The following PCDHA8 variants were observed in gnomAD, a reference collection of about 807,000 sequenced individuals.
PCDHA8 encodes protocadherin alpha-8.
A neutral mutation model predicts 61.8 loss-of-function variants in PCDHA8; 53 were observed. That is an observed-to-expected ratio of 0.86 (90% confidence interval 0.69 to 1.08). The LOEUF (loss-of-function observed/expected upper bound fraction) is 1.08. Ranked by LOEUF, PCDHA8 falls within the 50% of genes least tolerant of loss-of-function variation. The pLI, the probability that PCDHA8 is intolerant of heterozygous loss-of-function variation, is 0.00. For synonymous variants in PCDHA8, 618 were observed against 556.6 expected (o/e 1.11, Z -1.55); for missense variants, 1,293 against 1,245.0 (o/e 1.04, Z -0.58).
intron 1 of PCDHA8, chr5:140,928,319 AG>A: frequency 6.2e-7 from 1 of 1,614,200 alleles, no homozygotes. Flanking sequence ...GACCTGGGGA[AG>A]AATGGCCTTG....
Position 141,009,928 on chromosome 5 carries a change from T to C in PCDHA8, c.2844T>C (p.Ser948=), listed in dbSNP as rs373891102. The change falls in exon 4 of 4, where the codon AGT becomes AGC. Residue 948 remains serine (S), a synonymous_variant. Transcript: ENST00000531613. The stretch of plus-strand genomic sequence containing the variant: ...AAGGGAACAGCACGACTGACAACAG[T>C]GACCAGTGAGGTCCTCAAATGGAAA... ...KEKGNSTTDN[S]DQ is the part of the protein sequence containing the mutation. 3 of 1,607,808 alleles carry C rather than the reference T, an allele frequency of 1.9e-6. No homozygotes were observed. The highest frequency in any genetic ancestry group is 2.5e-6 in the Non-Finnish European group (3 of 1,178,138).
At chr5:140,893,780 C>G (rs966071281) in intron 1 of PCDHA8, among the ~76,000 whole-genome samples, 1 of 151,980 alleles carries the variant, frequency 6.6e-6, no homozygotes. Flanking sequence ...TTTCTTTTAC[C>G]GTTTTTAGAA....
chr5:140,850,783 G>T, intron 1 of PCDHA8: 1 of 1,598,172 alleles, frequency 6.3e-7, no homozygotes, highest in Non-Finnish European at 8.6e-7. Context: ...TCTGGCGAGG[G>T]TAAGCAGAAG....
chr5:140,973,674 T>A (rs782774613), intron 1 of PCDHA8, among the ~76,000 whole-genome samples: 10 of 152,264 alleles, frequency 6.6e-5, no homozygotes, highest in Non-Finnish European at 1.3e-4. Flanking sequence ...GTAGCTTGAA[T>A]GTCATTGGCC....
At chr5:140,869,669 T>C (rs1461591468) in intron 1 of PCDHA8, 49 of 1,613,358 alleles carry the variant, frequency 3.0e-5, no homozygotes, top group Non-Finnish European at 4.1e-5. Context: ...GGTAAGCAGA[T>C]TAAAAGACTG....
At chr5:140,979,817 A>G (rs1228260788) in intron 2 of PCDHA8, among the ~76,000 whole-genome samples, 1 of 152,262 alleles carries the variant, frequency 6.6e-6, no homozygotes, top group Non-Finnish European at 1.5e-5. Flanking sequence ...AAAAGGATTT[A>G]ATTTTAAAGA....
intron 1 of PCDHA8, chr5:140,863,165 C>G (rs1367294208): frequency 1.5e-6 from 1 of 666,560 alleles, no homozygotes; most frequent in Non-Finnish European, 2.7e-6. Context: ...TGCGAGCTGG[C>G]GCTGACTGCC....
intron 1 of PCDHA8, chr5:140,882,453 G>C: frequency 1.2e-6 from 2 of 1,614,042 alleles, no homozygotes; most frequent in South Asian, 2.2e-5. Flanking sequence ...CTGGTGCCGC[G>C]CCTGTTCCGG....
At chr5:140,884,622 G>A (rs781857198) in intron 1 of PCDHA8, 1 of 1,613,948 alleles carries the variant, frequency 6.2e-7, no homozygotes, top group Non-Finnish European at 8.5e-7. Context: ...TCTGCAGAGG[G>A]AACAGGCCAG....
rs116228766 is a variant in PCDHA8 at position 140,907,042 on chromosome 5, C to A, written c.2394+63327C>A. Among the ~76,000 whole-genome samples, 705 of 152,284 alleles carry A rather than the reference C, an allele frequency of 4.6e-3. 3 individuals carry two copies. The highest frequency in any genetic ancestry group is 0.016 in the African/African-American group (683 of 41,556). On this transcript the variant is annotated intron_variant, in intron 1 of 3. Coordinates refer to ENST00000531613, the MANE Select transcript of PCDHA8 (RefSeq NM_018911.3). The stretch of plus-strand genomic sequence containing the variant: ...CCAGCAGAACATAATGTCACAGGGA[C>A]AGTAAGCAAAAATTTTACTAGTGGG...
At chr5:140,875,958 C>G (rs1312300687) in intron 1 of PCDHA8, 4 of 1,614,080 alleles carry the variant, frequency 2.5e-6, no homozygotes, top group Non-Finnish European at 3.4e-6. Flanking sequence ...ATGCGGATAT[C>G]GGCGTAAACT....
intron 1 of PCDHA8, among the ~76,000 whole-genome samples, chr5:140,887,519 T>C (rs1460911624): frequency 1.3e-5 from 2 of 152,190 alleles, no homozygotes; most frequent in East Asian, 3.8e-4. Flanking sequence ...CTTTTTTATA[T>C]ATGAGTCTTC....
chr5:140,842,727 C>A lies in PCDHA8; in HGVS notation c.1406C>A (p.Pro469Gln), dbSNP rs1554139317. 1 of 1,594,926 alleles carries A rather than the reference C, an allele frequency of 6.3e-7. No individual in the cohort carries two copies. Among genetic ancestry groups the A allele is most frequent in the East Asian group, 2.2e-5 (1 of 44,836 alleles). ...EYTVFVKENN[P>Q]PGCHIFTVSA... is the part of the protein sequence containing the mutation. ...ACGGTGTTCGTGAAGGAGAACAACC[C>A]GCCGGGCTGCCACATCTTCACGGTG... is the stretch of plus-strand genomic sequence containing the variant. The change falls in exon 1 of 4, where the codon CCG becomes CAG. Residue 469 changes from proline to glutamine, a missense_variant. Coordinates refer to ENST00000531613, the MANE Select transcript of PCDHA8 (RefSeq NM_018911.3).
In PCDHA8 at chr5:140,936,286, A is replaced by G. The variant is rs73266055; in HGVS notation, c.2395-42663A>G. Among the ~76,000 whole-genome samples the G allele has an allele frequency of 3.3e-3, 501 of 152,358 alleles. 2 individuals are homozygous for G. The highest frequency in any genetic ancestry group is 0.012 in the African/African-American group (482 of 41,580). On this transcript the variant is annotated intron_variant, in intron 1 of 3. Transcript: ENST00000531613. ...AAGATATATTCCTGTGTTTTCTTCT[A>G]TAACATTGCTATCCAATAGAACTTT...
chr5:140,981,924 C>T (rs2096957761), intron 2 of PCDHA8, among the ~76,000 whole-genome samples: 1 of 151,968 alleles, frequency 6.6e-6, no homozygotes, highest in African/African-American at 2.4e-5. Flanking sequence ...TCAAGTTTCT[C>T]TAGTCTCAGG....
chr5:140,964,909 A>G (rs1164322313), intron 1 of PCDHA8, among the ~76,000 whole-genome samples: 1 of 152,208 alleles, frequency 6.6e-6, no homozygotes, highest in African/African-American at 2.4e-5. Context: ...GCTTCTCTGG[A>G]ATAACACTGG....
intron 1 of PCDHA8, among the ~76,000 whole-genome samples, chr5:140,880,283 A>G (rs1308508886): frequency 3.3e-5 from 5 of 152,250 alleles, no homozygotes; most frequent in African/African-American, 9.6e-5. Flanking sequence ...AAGTTTGACT[A>G]TCTTCATAGT....
Position 140,964,245 on chromosome 5 carries a change from T to C in PCDHA8, c.2395-14704T>C, listed in dbSNP as rs549634734. On this transcript the variant is annotated intron_variant, in intron 1 of 3. Transcript: ENST00000531613. ...TCAAAATGAGGCTGATTGTGTTGGC[T>C]TTATATTTGACTCCTTAATAATTAA... is the stretch of plus-strand genomic sequence containing the variant. Among the ~76,000 whole-genome samples, 6 of 152,346 alleles carry C rather than the reference T, an allele frequency of 3.9e-5. No individual in the cohort carries two copies. In the East Asian group the frequency reaches 1.2e-3, roughly 29 times the overall value.
intron 1 of PCDHA8, among the ~76,000 whole-genome samples, chr5:140,923,225 AGCCCAGAAG>A (rs2081250184): frequency 4.2e-5 from 3 of 71,942 alleles, no homozygotes; most frequent in Admixed American, 3.0e-4. Flanking sequence ...GGATCGTTTG[AGCCCAGAAG>A]TTTGAGACCA....
Sources: gnomAD v4.1 joint callset for allele counts (sites outside exome capture counted in the v4.1 genomes callset) on GRCh38, gnomAD v4.1.1 for gene constraint, MANE v1.5 for transcripts, NCBI Gene and HGNC (gene_info 2026-07-23, HGNC 2026-07-21) for gene names.